ANKRD36: variants seen among roughly 807,000 people sequenced by gnomAD.
The protein encoded by ANKRD36 is ankyrin repeat domain 36.
ANKRD36 carries 179 observed loss-of-function variants against 278.1 expected under a neutral mutation model. That is an observed-to-expected ratio of 0.64 (90% CI 0.57 to 0.73). ANKRD36 has a LOEUF of 0.73. ANKRD36 is among the 30% of genes least tolerant of loss of function. ANKRD36 has a pLI of 0.00. For missense variants in ANKRD36, 1,159 were observed against 1,956.7 expected (o/e 0.59, Z 7.69); for synonymous variants, 320 against 641.1 (o/e 0.50, Z 7.57).
intron 66 of ANKRD36, among the ~76,000 whole-genome samples, chr2:97,223,372 T>TAC (rs2068337832): frequency 6.6e-6 from 1 of 151,492 alleles, no homozygotes; most frequent in Non-Finnish European, 1.5e-5. Context: ...GTGCTGTGAT[T>TAC]ACAGGCGTGA....
intron 67 of ANKRD36, among the ~76,000 whole-genome samples, chr2:97,226,832 C>G (rs1276471858): frequency 6.6e-6 from 1 of 151,548 alleles, no homozygotes; most frequent in Non-Finnish European, 1.5e-5. Flanking sequence ...CCAGTTGCAG[C>G]TTTCTACATA....
At chr2:97,124,007 C>G (rs2443929) in intron 4 of ANKRD36, among the ~76,000 whole-genome samples, 1 of 149,070 alleles carries the variant, frequency 6.7e-6, no homozygotes, top group African/African-American at 2.4e-5. Flanking sequence ...ACACGCTTAT[C>G]AGCATCATTA....
rs1267531264 is a variant in ANKRD36 at position 97,208,069 on chromosome 2, G to C, written c.3265+63G>C. ...AGATAGATAAGAAGTTCTCTTCCCT[G>C]AATAAATCAGCGGGGGGCTCGTTGA... is the stretch of plus-strand genomic sequence containing the variant. On this transcript the variant is annotated intron_variant, in intron 54 of 75. Transcript: ENST00000420699. 2.2e-4 allele frequency: 304 copies of C among 1,408,358 alleles called. 9 individuals carry two copies. The highest frequency in any genetic ancestry group is 2.7e-4 in the Non-Finnish European group (279 of 1,045,810). 87.2% of individuals were successfully genotyped at this position (1,408,358 alleles called of 1,614,324 possible).
intron 8 of ANKRD36, 35 bp downstream of exon 8, chr2:97,142,870 T>A: frequency 6.5e-7 from 1 of 1,538,928 alleles, no homozygotes; most frequent in Non-Finnish European, 8.7e-7. Flanking sequence ...TCATGTTCAC[T>A]CAGGATAGAA....
At chr2:97,242,381 ATC>A (rs2074610359) in intron 69 of ANKRD36, among the ~76,000 whole-genome samples, 2 of 151,950 alleles carry the variant, frequency 1.3e-5, no homozygotes, top group African/African-American at 4.8e-5. Context: ...CTTATTCAAC[ATC>A]TCTCTGCTAT....
At chr2:97,183,706 C>A (rs1283680960) in intron 28 of ANKRD36, 52 bp downstream of exon 28, 5 of 1,519,280 alleles carry the variant, frequency 3.3e-6, no homozygotes, top group Non-Finnish European at 4.5e-6. Context: ...CAGAAGAGAA[C>A]GTCCCACCCC....
At chr2:97,233,614 A>G (rs1254335333) in intron 67 of ANKRD36, 116 bp from the exon 68 acceptor site, 1 of 1,535,114 alleles carries the variant, frequency 6.5e-7, no homozygotes, top group African/African-American at 1.4e-5. Flanking sequence ...AAAAGTACGG[A>G]ACAGGTACCT....
intron 62 of ANKRD36, among the ~76,000 whole-genome samples, chr2:97,216,168 G>A (rs1428978171): frequency 1.3e-5 from 2 of 152,112 alleles, no homozygotes; most frequent in African/African-American, 4.8e-5. Context: ...CTTTGTTACT[G>A]TTAGGCATCA....
chr2:97,135,418 T>C (rs559838312), intron 6 of ANKRD36, among the ~76,000 whole-genome samples: 3 of 152,112 alleles, frequency 2.0e-5, no homozygotes, highest in Admixed American at 1.3e-4. Flanking sequence ...AGTAGATCAA[T>C]TGTAACAATA....
At chr2:97,224,372 T>C (rs2068650364) in intron 66 of ANKRD36, among the ~76,000 whole-genome samples, 1 of 151,914 alleles carries the variant, frequency 6.6e-6, no homozygotes, top group Non-Finnish European at 1.5e-5. Flanking sequence ...AAGTAAATAT[T>C]ATACTAAAGA....
chr2:97,153,732 A>G (rs2046712901), intron 14 of ANKRD36, among the ~76,000 whole-genome samples: 1 of 147,872 alleles, frequency 6.8e-6, no homozygotes, highest in African/African-American at 2.4e-5. Context: ...GAACCCAATG[A>G]AAGTGGATAA....
At chr2:97,172,535 T>G (rs1458914244) in intron 22 of ANKRD36, among the ~76,000 whole-genome samples, 2 of 151,924 alleles carry the variant, frequency 1.3e-5, no homozygotes, top group Non-Finnish European at 2.9e-5. Context: ...CTCCCATGGC[T>G]GTGTTGATTG....
intron 66 of ANKRD36, among the ~76,000 whole-genome samples, chr2:97,220,691 T>A (rs186257204): frequency 6.7e-6 from 1 of 150,360 alleles, no homozygotes; most frequent in Non-Finnish European, 1.5e-5. Context: ...AATAAACATG[T>A]CAGGACAGAT....
intron 6 of ANKRD36, among the ~76,000 whole-genome samples, chr2:97,134,283 A>C (rs1310080736): frequency 6.6e-6 from 1 of 152,090 alleles, no homozygotes; most frequent in Non-Finnish European, 1.5e-5. Context: ...TATGCTTTAC[A>C]TGTTGAAAAA....
At chr2:97,188,214 C>A (rs201294926) in intron 32 of ANKRD36, among the ~76,000 whole-genome samples, 4 of 151,890 alleles carry the variant, frequency 2.6e-5, no homozygotes, top group East Asian at 2.0e-4. Context: ...TCTTTAGAGA[C>A]TAACATGATA....
intron 52 of ANKRD36, among the ~76,000 whole-genome samples, chr2:97,207,568 T>C (rs2063205685): frequency 6.6e-6 from 1 of 151,556 alleles, no homozygotes; most frequent in Admixed American, 6.6e-5. Flanking sequence ...GGTTTTATTT[T>C]AGTTTTTCAC....
chr2:97,198,111 G>A (rs2060299829), intron 42 of ANKRD36, among the ~76,000 whole-genome samples: 1 of 151,900 alleles, frequency 6.6e-6, no homozygotes, highest in Non-Finnish European at 1.5e-5. Context: ...GGTACATGTA[G>A]CACCTGCTTT....
intron 22 of ANKRD36, among the ~76,000 whole-genome samples, chr2:97,173,344 C>T (rs1330849760): frequency 6.6e-6 from 1 of 151,192 alleles, no homozygotes; most frequent in African/African-American, 2.4e-5. Flanking sequence ...GATAATAACT[C>T]ATAATATGAG....
intron 42 of ANKRD36, 104 bp downstream of exon 42, chr2:97,196,892 T>A (rs193106972): frequency 2.3e-3 from 3,491 of 1,491,992 alleles, no homozygotes; most frequent in Middle Eastern, 0.013. Context: ...CACTTTCTGA[T>A]TCAGCAGGCC....
Sources: allele counts gnomAD v4.1 joint callset (sites outside exome capture counted in the v4.1 genomes callset), GRCh38; gene constraint gnomAD v4.1.1; transcripts MANE v1.5; gene names NCBI Gene and HGNC (gene_info 2026-07-23, HGNC 2026-07-21).